RPS6KA3: variants seen among roughly 807,000 people sequenced by gnomAD.
RPS6KA3 encodes the protein ribosomal protein S6 kinase alpha-3.
Under a neutral mutation model 67.2 loss-of-function variants are expected in RPS6KA3, and 4 were observed. The ratio of observed to expected loss-of-function variants is 0.06; its 90% confidence interval spans 0.03 to 0.14. RPS6KA3 has a LOEUF of 0.14. Among genes scored for constraint, RPS6KA3 ranks in the 10% least tolerant of loss-of-function variants. The pLI is 1.00. For synonymous variants in RPS6KA3, 182 were observed against 183.7 expected (o/e 0.99, Z 0.07); for missense variants, 204 against 559.0 (o/e 0.36, Z 6.40).
intron 3 of RPS6KA3, among the ~76,000 whole-genome samples, chrX:20,208,951 G>A (rs1349098554): frequency 1.8e-5 from 2 of 110,908 alleles, no homozygotes; most frequent in African/African-American, 6.6e-5. Context: ...TGTATTGCAA[G>A]ATCACCTTCC....
chrX:20,225,251 T>C (rs776743093), intron 2 of RPS6KA3, among the ~76,000 whole-genome samples: 3 of 94,657 alleles, frequency 3.2e-5, no homozygotes, highest in African/African-American at 1.2e-4. Context: ...TTGTTTTTTT[T>C]TTTGTTTTTT....
In RPS6KA3 at chrX:20,266,735, G is replaced by A. The variant is rs2070401897; in HGVS notation, c.-103C>T. 4.4e-5 allele frequency: 14 copies of A among 321,646 alleles called. No homozygotes were observed. The highest frequency in any genetic ancestry group is 5.0e-5 in the Non-Finnish European group (14 of 280,251). The allele number at this position is 321,646 out of a possible 1,213,427, so 26.5% of individuals were successfully genotyped here. A position where few individuals can be genotyped will look rare whatever the true frequency, so the allele number is the denominator to read the frequency against. ...CGAGCCCCACGGCAGCGGCGGCGGCGGCGGCGGCGGCGGCAGCGGCAGCGG... is the reference window on the plus strand; with the variant it reads ...CGAGCCCCACGGCAGCGGCGGCGGCAGCGGCGGCGGCGGCAGCGGCAGCGG... On this transcript the variant is annotated 5_prime_UTR_variant, in exon 1 of 22. Transcript: ENST00000379565.
At chrX:20,249,685 T>A (rs1440534350) in intron 1 of RPS6KA3, among the ~76,000 whole-genome samples, 1 of 112,422 alleles carries the variant, frequency 8.9e-6, no homozygotes. Context: ...CTTTGAATAT[T>A]GTAAATACAA....
intron 2 of RPS6KA3, among the ~76,000 whole-genome samples, chrX:20,225,258 T>G (rs1391403702): frequency 3.0e-5 from 3 of 101,675 alleles, no homozygotes; most frequent in Non-Finnish European, 6.0e-5. Context: ...TTTTTTTGTT[T>G]TTTTTTTTTT....
chrX:20,171,231 C>T (rs2067565943), intron 15 of RPS6KA3, among the ~76,000 whole-genome samples: 1 of 112,029 alleles, frequency 8.9e-6, no homozygotes, highest in Non-Finnish European at 1.9e-5. Flanking sequence ...TTTGGAGAGT[C>T]AAGTTATACG....
intron 1 of RPS6KA3, among the ~76,000 whole-genome samples, chrX:20,253,933 G>A (rs956937945): frequency 1.8e-5 from 2 of 111,056 alleles, no homozygotes; most frequent in Admixed American, 9.6e-5. Flanking sequence ...TGGTGGGCAG[G>A]AGATAGCTTT....
intron 20 of RPS6KA3, among the ~76,000 whole-genome samples, chrX:20,157,987 T>A (rs1055089571): frequency 3.6e-5 from 4 of 110,761 alleles, no homozygotes; most frequent in African/African-American, 1.3e-4. Context: ...TAATAAAGTG[T>A]TTAAAGTTAG....
intron 2 of RPS6KA3, chrX:20,218,849 C>T: frequency 1.7e-6 from 2 of 1,196,312 alleles, no homozygotes; most frequent in Non-Finnish European, 2.3e-6. Flanking sequence ...GGCTACGAAA[C>T]CATGATGGTG....
At chrX:20,211,557 A>C (rs55742497) in intron 2 of RPS6KA3, among the ~76,000 whole-genome samples, 2,703 of 110,724 alleles carry the variant, frequency 0.024, 78 homozygotes, top group African/African-American at 0.083. Context: ...AAACAAAAAA[A>C]AAAAACCAAA....
rs1385337171 is a variant in RPS6KA3 at position 20,163,916 on chromosome X, G to A, written c.1765-876C>T. Reference sequence around the variant, plus strand: ...ACCCCTGAGTTCAAGCAATCTGCCTGCCTTGGCCTCCCAAAGTGCTAGGAT... The same window carrying A: ...ACCCCTGAGTTCAAGCAATCTGCCTACCTTGGCCTCCCAAAGTGCTAGGAT... On this transcript the variant is annotated intron_variant, in intron 18 of 21. Coordinates refer to ENST00000379565, the MANE Select transcript of RPS6KA3 (RefSeq NM_004586.3). 2.7e-5 allele frequency among the ~76,000 whole-genome samples: 3 copies of A among 111,699 alleles called. No homozygotes were observed. The Admixed American group carries it at 2.9e-4, about 11-fold the overall frequency.
intron 9 of RPS6KA3, among the ~76,000 whole-genome samples, chrX:20,187,239 G>A (rs933716978): frequency 1.8e-5 from 2 of 109,119 alleles, no homozygotes; most frequent in Non-Finnish European, 3.8e-5. Context: ...TATTTTTTGA[G>A]ACAGAGTCTC....
intron 1 of RPS6KA3, among the ~76,000 whole-genome samples, chrX:20,240,174 T>C (rs756050423): frequency 9.3e-6 from 1 of 107,163 alleles, no homozygotes; most frequent in Admixed American, 1.0e-4. Context: ...AGAAGAATCT[T>C]CAGAGAGAGT....
intron 1 of RPS6KA3, among the ~76,000 whole-genome samples, chrX:20,263,393 A>C (rs2070287448): frequency 8.9e-6 from 1 of 112,367 alleles, no homozygotes; most frequent in Admixed American, 9.4e-5. Flanking sequence ...AACTCACTAA[A>C]GAGTTCACCT....
intron 14 of RPS6KA3, 55 bp from the exon 15 acceptor site, chrX:20,172,926 T>C: frequency 9.3e-7 from 1 of 1,079,579 alleles, no homozygotes. Flanking sequence ...GTGCATTTTA[T>C]AATAGGGAAG....
At chrX:20,199,696 C>T (rs779845631) in intron 4 of RPS6KA3, among the ~76,000 whole-genome samples, 2 of 111,137 alleles carry the variant, frequency 1.8e-5, no homozygotes, top group South Asian at 3.7e-4. Flanking sequence ...GTTTTAGAAA[C>T]CCACACTCAA....
At chrX:20,265,447 C>T (rs967213249) in intron 1 of RPS6KA3, 1 of 112,359 alleles carries the variant, frequency 8.9e-6, no homozygotes, top group Non-Finnish European at 1.9e-5. Context: ...CAGAGCCTGC[C>T]CCGTTCCACC....
intron 1 of RPS6KA3, among the ~76,000 whole-genome samples, chrX:20,259,117 G>T (rs761335132): frequency 9.9e-5 from 11 of 111,663 alleles, no homozygotes; most frequent in African/African-American, 3.6e-4. Flanking sequence ...GATGAGCAGA[G>T]ACCAGAAAAA....
intron 2 of RPS6KA3, among the ~76,000 whole-genome samples, chrX:20,220,052 C>T (rs977458136): frequency 1.8e-5 from 2 of 111,233 alleles, no homozygotes; most frequent in African/African-American, 6.5e-5. Flanking sequence ...ATAGAGCTAT[C>T]TATAATGGGA....
At chrX:20,213,446 A>G (rs1208985605) in intron 2 of RPS6KA3, among the ~76,000 whole-genome samples, 1 of 111,540 alleles carries the variant, frequency 9.0e-6, no homozygotes, top group Non-Finnish European at 1.9e-5. Context: ...CTTTACATAC[A>G]CTTCTTATCT....
Sources: allele counts gnomAD v4.1 joint callset (sites outside exome capture counted in the v4.1 genomes callset), GRCh38; gene constraint gnomAD v4.1.1; transcripts MANE v1.5; gene names NCBI Gene and HGNC (gene_info 2026-07-23, HGNC 2026-07-21).